Variants in SLC35C1 observed in about 807,000 individuals in gnomAD.
The protein encoded by SLC35C1 is GDP-fucose transporter 1.
Under a neutral mutation model 23.2 loss-of-function variants are expected in SLC35C1, and 8 were observed. The observed-to-expected ratio is 0.35, with a 90% CI of 0.20 to 0.62. SLC35C1 has a LOEUF of 0.62. Ranked by LOEUF, SLC35C1 falls within the 20% of genes least tolerant of loss-of-function variation. SLC35C1 has a pLI of 0.75. For synonymous variants in SLC35C1, 226 were observed against 225.1 expected, an observed-to-expected ratio of 1.00 and a Z score of -0.04; for missense variants, 422 against 478.6, an observed-to-expected ratio of 0.88 and a Z score of 1.10.
chr11:45,805,853 G>A lies in SLC35C1; in HGVS notation c.52G>A (p.Gly18Arg), dbSNP rs1272386130. 20 of 1,614,054 alleles carry A rather than the reference G, an allele frequency of 1.2e-5. No homozygotes were observed. Among genetic ancestry groups the A allele is most frequent in the Non-Finnish European group, 1.6e-5 (19 of 1,180,034 alleles). Residue 18 changes from glycine to arginine, a missense_variant, in exon 1 of 2, where the codon GGG (glycine) becomes AGG (arginine). By Grantham distance (125) the Gly-to-Arg change is moderately radical. Coordinates refer to ENST00000314134, the MANE Select transcript of SLC35C1 (RefSeq NM_018389.5). ...CAGGATCCTGCACATGGCGCTGACC[G>A]GGGCCTCAGACCCCTCTGCAGAGGC... ...RSRILHMALTGASDPSAEAEA... is the reference protein window; with the variant it reads ...RSRILHMALTRASDPSAEAEA...
chr11:45,809,782 AG>A (rs1169979048), intron 1 of SLC35C1: 3 of 985,334 alleles, frequency 3.0e-6, no homozygotes, highest in Non-Finnish European at 3.6e-6. Context: ...ATGCTGTGGC[AG>A]GAAGTATAAC....
chr11:45,804,385 G>T, upstream of SLC35C1: 1 of 677,918 alleles, frequency 1.5e-6, no homozygotes, highest in Non-Finnish European at 1.8e-6. Context: ...GATGCAGCAC[G>T]GGGTCGCGGG....
At chr11:45,807,376 C>T (rs1169862191) in intron 1 of SLC35C1, among the ~76,000 whole-genome samples, 1 of 152,226 alleles carries the variant, frequency 6.6e-6, no homozygotes, top group African/African-American at 2.4e-5. Flanking sequence ...GGCTCAGTAG[C>T]CAAATGTGGC....
chr11:45,805,217 C>T lies in SLC35C1; in HGVS notation c.-585C>T, dbSNP rs575777014. 2.8e-5 allele frequency: 28 copies of T among 991,854 alleles called. No individual in the cohort carries two copies. In the East Asian group the frequency reaches 2.1e-3, roughly 75 times the overall value. The allele number at this position is 991,854 out of a possible 1,614,324, so 61.4% of individuals were successfully genotyped here. ...CGGGAAGGCAGCGAGACGTGGGCGC[C>T]GGCCCAGCCCCCTCCCGCGTCCTTC... On this transcript the variant is annotated 5_prime_UTR_variant, in exon 1 of 2. Coordinates refer to ENST00000314134, the MANE Select transcript of SLC35C1 (RefSeq NM_018389.5).
Position 45,805,590 on chromosome 11 carries a change from TC to T in SLC35C1, c.-211del. The T allele has an allele frequency of 6.9e-7, 1 of 1,458,150 alleles. No individual in the cohort carries two copies. The highest frequency in any genetic ancestry group is 9.0e-7 in the Non-Finnish European group (1 of 1,106,140). The allele number at this position is 1,458,150 out of a possible 1,614,324, so 90.3% of individuals were successfully genotyped here. A position where few individuals can be genotyped will look rare whatever the true frequency, so the allele number is the denominator to read the frequency against. ...CCCTGTGTCTTGTCTCAGAGCCCCC[TC>T]GGGGTGGGAGTAGGTTGTGGAGCAG... On this transcript the variant is annotated 5_prime_UTR_variant, in exon 1 of 2. The change abolishes the stop of an existing upstream ORF in the 5' untranslated region. Transcript: ENST00000314134.
At chr11:45,806,859 G>A (rs1001549490) in intron 1 of SLC35C1, 2 of 983,102 alleles carry the variant, frequency 2.0e-6, no homozygotes, top group Admixed American at 6.2e-5. Flanking sequence ...AGTGCTCTTA[G>A]TAGAGGACAA....
At position 45,805,507 on chromosome 11, in the gene SLC35C1, TCCCC is replaced by T; in HGVS notation, c.-294_-291del. On this transcript the variant is annotated 5_prime_UTR_variant, in exon 1 of 2. An upstream open reading frame in the 5' UTR loses its in-frame stop. Coordinates refer to ENST00000314134, the MANE Select transcript of SLC35C1 (RefSeq NM_018389.5). ...CTCCCTGTTAGGCCCCAGCCTCTTC[TCCCC>T]TCACAGGTCTTCTCTGTCCTGGCCT... The T allele has an allele frequency of 7.5e-7, 1 of 1,325,850 alleles. No homozygotes were observed. The highest frequency in any genetic ancestry group is 9.7e-7 in the Non-Finnish European group (1 of 1,030,784). The allele number at this position is 1,325,850 out of a possible 1,614,324, so 82.1% of individuals were successfully genotyped here. A position where few individuals can be genotyped will look rare whatever the true frequency, so the allele number is the denominator to read the frequency against.
At chr11:45,807,985 A>G (rs940870682) in intron 1 of SLC35C1, among the ~76,000 whole-genome samples, 2 of 152,166 alleles carry the variant, frequency 1.3e-5, no homozygotes, top group African/African-American at 4.8e-5. Context: ...CCAAATCCCA[A>G]AGGTAATCCA....
In SLC35C1 at chr11:45,805,691, T is replaced by G. The variant is rs902952952; in HGVS notation, c.-111T>G. 1.9e-6 allele frequency: 3 copies of G among 1,585,946 alleles called. No homozygotes were observed. Among genetic ancestry groups the G allele is most frequent in the Non-Finnish European group, 2.6e-6 (3 of 1,173,944 alleles). ...GGGGAGGCCTTTAGGCCAGCCCACATGTGACAATGGAGGGCTGCGGCTTCC... is the reference window on the plus strand; with the variant it reads ...GGGGAGGCCTTTAGGCCAGCCCACAGGTGACAATGGAGGGCTGCGGCTTCC... On this transcript the variant is annotated 5_prime_UTR_variant, in exon 1 of 2. The change abolishes an upstream ATG in the 5' untranslated region. Coordinates refer to ENST00000314134, the MANE Select transcript of SLC35C1 (RefSeq NM_018389.5).
At chr11:45,808,403 A>G (rs1418291411) in intron 1 of SLC35C1, among the ~76,000 whole-genome samples, 1 of 152,194 alleles carries the variant, frequency 6.6e-6, no homozygotes, top group African/African-American at 2.4e-5. Context: ...CGGGAGGCTG[A>G]GGCAGGATAA....
chr11:45,810,843 C>T lies in SLC35C1; in HGVS notation c.603C>T (p.Phe201=), dbSNP rs1273640632. ...EGTLSWLGTV[F]GVLASLCVSL... is the part of the protein sequence containing the mutation. ...CCCTGTCGTGGCTGGGCACCGTCTT[C>T]GGCGTGCTGGCTAGCCTCTGTGTCT... The change falls in exon 2 of 2, where the codon TTC becomes TTT. Residue 201 remains phenylalanine, a synonymous_variant. Transcript: ENST00000314134. The T allele has an allele frequency of 3.7e-6, 6 of 1,612,452 alleles. No individual in the cohort carries two copies. Among genetic ancestry groups the T allele is most frequent in the South Asian group, 1.1e-5 (1 of 91,084 alleles).
At position 45,811,461 on chromosome 11, in the gene SLC35C1, C is replaced by A; in HGVS notation, c.*126C>A. On this transcript the variant is annotated 3_prime_UTR_variant, in exon 2 of 2. Coordinates refer to ENST00000314134, the MANE Select transcript of SLC35C1 (RefSeq NM_018389.5). ...GTGTGGACTGGGTGCTACTTATAGA[C>A]CCAATCAGAATACGGTGGTTGAGAA... 1.4e-6 allele frequency: 1 copy of A among 715,474 alleles called. No homozygotes were observed. The highest frequency in any genetic ancestry group is 2.2e-6 in the Non-Finnish European group (1 of 453,382). The allele number at this position is 715,474 out of a possible 1,614,324, so 44.3% of individuals were successfully genotyped here. A position where few individuals can be genotyped will look rare whatever the true frequency, so the allele number is the denominator to read the frequency against.
Position 45,805,197 on chromosome 11 carries a change from A to T in SLC35C1, c.-605A>T. 1.0e-6 allele frequency: 1 copy of T among 991,544 alleles called. No individual in the cohort carries two copies. Among genetic ancestry groups the T allele is most frequent in the Non-Finnish European group, 1.2e-6 (1 of 833,216 alleles). The allele number at this position is 991,544 out of a possible 1,614,324, so 61.4% of individuals were successfully genotyped here. A position where few individuals can be genotyped will look rare whatever the true frequency, so the allele number is the denominator to read the frequency against. On this transcript the variant is annotated 5_prime_UTR_variant, in exon 1 of 2. In the 5' UTR this introduces an upstream ATG that the reference lacks. Transcript: ENST00000314134. ...GCTGAGCCGGCGACAGAGCCCGGGA[A>T]GGCAGCGAGACGTGGGCGCCGGCCC... is the stretch of plus-strand genomic sequence containing the variant.
chr11:45,808,441 C>T (rs2085900696), intron 1 of SLC35C1, among the ~76,000 whole-genome samples: 1 of 152,058 alleles, frequency 6.6e-6, no homozygotes, highest in South Asian at 2.1e-4. Context: ...GCAGAAGTTG[C>T]ATTGAGCCAA....
In SLC35C1 at chr11:45,811,189, G is replaced by A; in HGVS notation, c.949G>A (p.Glu317Lys). Residue 317 changes from glutamate to lysine, a missense_variant, in exon 2 of 2, where the codon GAG becomes AAG. Coordinates refer to ENST00000314134, the MANE Select transcript of SLC35C1 (RefSeq NM_018389.5). ...QTVLAVLYYE[E>K]TKSFLWWTSN... ...AGTGCTGGCCGTGCTCTACTACGAGGAGACCAAGAGCTTCCTCTGGTGGAC... is the reference window on the plus strand; with the variant it reads ...AGTGCTGGCCGTGCTCTACTACGAGAAGACCAAGAGCTTCCTCTGGTGGAC... 6.2e-7 allele frequency: 1 copy of A among 1,611,182 alleles called. No individual in the cohort carries two copies. The highest frequency in any genetic ancestry group is 8.5e-7 in the Non-Finnish European group (1 of 1,178,956).
At chr11:45,809,180 G>A (rs926476185) in intron 1 of SLC35C1, among the ~76,000 whole-genome samples, 1 of 152,144 alleles carries the variant, frequency 6.6e-6, no homozygotes, top group Non-Finnish European at 1.5e-5. Context: ...ATACAAGTTT[G>A]GAAAAGGTAA....
rs925597586 is a variant in SLC35C1 at position 45,810,956 on chromosome 11, G to A, written c.716G>A (p.Cys239Tyr). The A allele has an allele frequency of 2.5e-6, 4 of 1,612,634 alleles. No individual in the cohort carries two copies. The highest frequency in any genetic ancestry group is 3.4e-6 in the Non-Finnish European group (4 of 1,180,034). Residue 239 changes from cysteine to tyrosine, a missense_variant, in exon 2 of 2, where the codon TGC (cysteine) becomes TAC (tyrosine). Coordinates refer to ENST00000314134, the MANE Select transcript of SLC35C1 (RefSeq NM_018389.5). ...RLTFYNNVNA[C>Y]ILFLPLLLLL... Reference sequence around the variant, plus strand: ...ACTTTCTACAACAACGTCAACGCCTGCATCCTCTTCCTGCCCCTGCTCCTG... The same window carrying A: ...ACTTTCTACAACAACGTCAACGCCTACATCCTCTTCCTGCCCCTGCTCCTG...
At position 45,807,821 on chromosome 11, in the gene SLC35C1, G is replaced by A. The variant is rs191891320; in HGVS notation, c.535+1485G>A. Among the ~76,000 whole-genome samples, 674 of 152,204 alleles carry A rather than the reference G, an allele frequency of 4.4e-3. 2 individuals are homozygous for A. The highest frequency in any genetic ancestry group is 0.014 in the African/African-American group (570 of 41,528). ...GCCTGCTTCCATTTCCCTCTCCAGGGAACAGGTGTACCTCCCCTCCTCCCT... is the reference window on the plus strand; with the variant it reads ...GCCTGCTTCCATTTCCCTCTCCAGGAAACAGGTGTACCTCCCCTCCTCCCT... On this transcript the variant is annotated intron_variant, in intron 1 of 1. Coordinates refer to ENST00000314134, the MANE Select transcript of SLC35C1 (RefSeq NM_018389.5).
rs1448670224 is a variant in SLC35C1, at chr11:45,810,932, C to G, written c.692C>G (p.Thr231Ser). 1.2e-6 allele frequency: 2 copies of G among 1,612,556 alleles called. No individual in the cohort carries two copies. The highest frequency in any genetic ancestry group is 1.7e-6 in the Non-Finnish European group (2 of 1,180,036). ...PAVDGSIWRL[T>S]FYNNVNACIL... ...GTGGACGGCAGCATCTGGCGCCTGA[C>G]TTTCTACAACAACGTCAACGCCTGC... Residue 231 changes from threonine to serine, a missense_variant, in exon 2 of 2, where the codon ACT (threonine) becomes AGT (serine). Transcript: ENST00000314134.
Sources: allele counts gnomAD v4.1 joint callset (sites outside exome capture counted in the v4.1 genomes callset), GRCh38; gene constraint gnomAD v4.1.1; transcripts MANE v1.5; gene names NCBI Gene and HGNC (gene_info 2026-07-23, HGNC 2026-07-21).